FN1: variants seen among roughly 807,000 people sequenced by gnomAD.
FN1 encodes fibronectin 1.
A neutral mutation model predicts 297.3 loss-of-function variants in FN1; 106 were observed. The ratio of observed to expected loss-of-function variants is 0.36; its 90% CI spans 0.30 to 0.42. The LOEUF (loss-of-function observed/expected upper bound fraction) is 0.42. Among genes scored for constraint, FN1 ranks in the 10% least tolerant of loss-of-function variants. The pLI is 1.00. For synonymous variants in FN1, 1,149 were observed against 1,152.6 expected, an observed-to-expected ratio of 1.00 and a Z score of 0.06; for missense variants, 2,690 against 3,124.9, an observed-to-expected ratio of 0.86 and a Z score of 3.32.
At chr2:215,401,001 G>T (rs930897782) in intron 20 of FN1, among the ~76,000 whole-genome samples, 2 of 150,230 alleles carry the variant, frequency 1.3e-5, no homozygotes, top group African/African-American at 4.9e-5. Flanking sequence ...TCACTATGTT[G>T]GCCAGGCCAG....
intron 21 of FN1, 117 bp from the exon 22 acceptor site, chr2:215,397,965 A>T (rs1020438648): frequency 1.1e-6 from 1 of 890,724 alleles, no homozygotes; most frequent in Non-Finnish European, 1.8e-6. Flanking sequence ...TGCACAGTGT[A>T]CTTTTATTGG....
intron 15 of FN1, 69 bp downstream of exon 15, chr2:215,409,494 A>G (rs879186767): frequency 6.8e-7 from 1 of 1,481,480 alleles, no homozygotes; most frequent in Non-Finnish European, 9.4e-7. Flanking sequence ...CCTAGAGGCC[A>G]CCCACCCCCA....
At position 215,384,879 on chromosome 2, in the gene FN1, C is replaced by T. The variant is rs750588515; in HGVS notation, c.4710G>A (p.Arg1570=). 10 of 1,609,766 alleles carry T rather than the reference C, an allele frequency of 6.2e-6. No individual in the cohort carries two copies. Among genetic ancestry groups the T allele is most frequent in the Admixed American group, 3.3e-5 (2 of 59,982 alleles). ...CTGTACCTGTCTCTCCGTAAGTGAT[C>T]CTGTAATATCTCACTGTGACAGCAG... ...DAPAVTVRYY[R]ITYGETGGNS... The change falls in exon 29 of 46, where the codon AGG becomes AGA. Residue 1570 remains arginine, a synonymous_variant. Coordinates refer to ENST00000354785, the MANE Select transcript of FN1 (RefSeq NM_212482.4).
intron 10 of FN1, 56 bp from the exon 11 acceptor site, chr2:215,420,857 GA>G: frequency 1.3e-6 from 2 of 1,556,950 alleles, no homozygotes; most frequent in Non-Finnish European, 1.8e-6. Flanking sequence ...ATTGATGAAA[GA>G]AAAAAGGTAT....
At chr2:215,366,114 G>C (rs1472685169) in intron 42 of FN1, among the ~76,000 whole-genome samples, 1 of 151,652 alleles carries the variant, frequency 6.6e-6, no homozygotes, top group Non-Finnish European at 1.5e-5. Flanking sequence ...CACCACACCT[G>C]GCCAATGGGC....
In FN1 at chr2:215,364,921, A is replaced by C. The variant is rs541854686; in HGVS notation, c.7209T>G (p.Tyr2403Ter). 1 of 1,574,984 alleles carries C rather than the reference A, an allele frequency of 6.3e-7. No homozygotes were observed. The highest frequency in any genetic ancestry group is 8.6e-7 in the Non-Finnish European group (1 of 1,159,166). The change falls in exon 44 of 46, where the codon TAT becomes TAG. Residue 2403 changes from tyrosine to a stop codon, truncating the protein, a stop_gained. Transcript: ENST00000354785. LOFTEE classifies it high-confidence loss of function. ...YHVGEQWQKEYLGAICSCTCF... is the reference protein window; with the variant it reads ...YHVGEQWQKE ...ATGTGCAGGAGCAAATGGCACCGAGATATTCCTTCTGCCACTGTTCTCCTA... is the reference window on the plus strand; with the variant it reads ...ATGTGCAGGAGCAAATGGCACCGAGCTATTCCTTCTGCCACTGTTCTCCTA...
At chr2:215,419,527 G>T (rs928578723) in intron 11 of FN1, 142 bp from the exon 12 acceptor site, 7 of 753,156 alleles carry the variant, frequency 9.3e-6, no homozygotes, top group African/African-American at 1.7e-5. Flanking sequence ...AAAATATTTT[G>T]TTCACATTCT....
chr2:215,419,350 G>A lies in FN1; in HGVS notation c.1711C>T (p.Gln571Ter). ...TACTTCTCCCATGAATCTCCAATTT[G>A]ATAAAACGTCCCAGTCTCTGAATCC... is the stretch of plus-strand genomic sequence containing the variant. Reference protein sequence around the residue: ...CQDSETGTFYQIGDSWEKYVH... With the variant: ...CQDSETGTFY Residue 571 changes from glutamine (Q) to a stop codon, truncating the protein, a stop_gained, in exon 12 of 46, where the codon CAA becomes TAA. Coordinates refer to ENST00000354785, the MANE Select transcript of FN1 (RefSeq NM_212482.4). LOFTEE classifies it high-confidence loss of function. 6.2e-7 allele frequency: 1 copy of A among 1,613,256 alleles called. No homozygotes were observed. Among genetic ancestry groups the A allele is most frequent in the Non-Finnish European group, 8.5e-7 (1 of 1,179,216 alleles).
intron 35 of FN1, among the ~76,000 whole-genome samples, chr2:215,376,954 A>T (rs2057374473): frequency 6.6e-6 from 1 of 152,138 alleles, no homozygotes; most frequent in Non-Finnish European, 1.5e-5. Context: ...ATCTACAAAT[A>T]CTTCAATAAA....
chr2:215,377,765 T>C (rs1181152882), intron 35 of FN1, among the ~76,000 whole-genome samples: 3 of 152,208 alleles, frequency 2.0e-5, no homozygotes, highest in Non-Finnish European at 4.4e-5. Flanking sequence ...AAACAAATTC[T>C]AACAAGTAGA....
chr2:215,394,835 G>A, intron 23 of FN1, 116 bp from the exon 24 acceptor site: 1 of 753,250 alleles, frequency 1.3e-6, no homozygotes, highest in Non-Finnish European at 2.3e-6. Flanking sequence ...CATTTACTGA[G>A]GACTCCACTG....
rs373205051 is a variant in FN1 at position 215,415,000 on chromosome 2, C to G, written c.1820-42G>C. 2.7e-6 allele frequency: 4 copies of G among 1,498,774 alleles called. No homozygotes were observed. The African/African-American group carries it at 5.5e-5, about 21-fold the overall frequency. The allele number at this position is 1,498,774 out of a possible 1,614,324, so 92.8% of individuals were successfully genotyped here. The stretch of plus-strand genomic sequence containing the variant: ...AGCATTTAATTATCTTGAATATTCA[C>G]TCACTTCAACTTAAAACTGTGTACA... On this transcript the variant is annotated intron_variant, in intron 12 of 45. Transcript: ENST00000354785.
chr2:215,405,722 G>A (rs896487772), intron 19 of FN1, among the ~76,000 whole-genome samples: 6 of 151,970 alleles, frequency 3.9e-5, no homozygotes, highest in African/African-American at 7.3e-5. Flanking sequence ...CAGCCCTGGC[G>A]ACAGAGCGAG....
chr2:215,403,618 A>G (rs1180027630), intron 20 of FN1, among the ~76,000 whole-genome samples: 2 of 152,228 alleles, frequency 1.3e-5, no homozygotes, highest in Non-Finnish European at 2.9e-5. Context: ...ATGGAAATGT[A>G]TTTAATAGGA....
chr2:215,389,333 G>T (rs1158265553), intron 26 of FN1, among the ~76,000 whole-genome samples: 1 of 152,076 alleles, frequency 6.6e-6, no homozygotes, highest in Non-Finnish European at 1.5e-5. Context: ...TGGAAATCCT[G>T]ACCTTGTGAT....
intron 5 of FN1, 141 bp downstream of exon 5, chr2:215,430,574 G>C: frequency 1.1e-6 from 1 of 913,984 alleles, no homozygotes; most frequent in Non-Finnish European, 1.7e-6. Context: ...AGTTGGTTAT[G>C]AAAGTTTTCT....
intron 39 of FN1, among the ~76,000 whole-genome samples, chr2:215,372,952 A>G (rs1374631058): frequency 6.6e-6 from 1 of 152,232 alleles, no homozygotes; most frequent in African/African-American, 2.4e-5. Context: ...GAAACCAAAT[A>G]AAGATAAATG....
intron 6 of FN1, among the ~76,000 whole-genome samples, chr2:215,425,772 TGA>T (rs2065225333): frequency 7.2e-6 from 1 of 139,296 alleles, no homozygotes; most frequent in African/African-American, 3.4e-5. Context: ...GGCAAACTCC[TGA>T]CCTCAAACTC....
chr2:215,376,720 A>G (rs1488357165), intron 35 of FN1, 46 bp from the exon 36 acceptor site: 2 of 1,582,248 alleles, frequency 1.3e-6, no homozygotes, highest in Non-Finnish European at 1.7e-6. Flanking sequence ...TGGCTCATCC[A>G]TGTAAAGTTT....
Sources: allele counts gnomAD v4.1 joint callset (sites outside exome capture counted in the v4.1 genomes callset), GRCh38; gene constraint gnomAD v4.1.1; transcripts MANE v1.5; gene names NCBI Gene and HGNC (gene_info 2026-07-23, HGNC 2026-07-21).